Variants in SCAMP2 observed in about 807,000 individuals in gnomAD.
SCAMP2 encodes the protein secretory carrier-associated membrane protein 2.
SCAMP2 carries 25 observed loss-of-function variants against 44.1 expected under a neutral mutation model. That is an observed-to-expected ratio of 0.57 (90% CI 0.41 to 0.79). The LOEUF (loss-of-function observed/expected upper bound fraction) is 0.79. Ranked by LOEUF, SCAMP2 falls within the 30% of genes least tolerant of loss-of-function variation. The pLI, the probability that SCAMP2 is intolerant of heterozygous loss-of-function variation, is 0.00. For missense variants in SCAMP2, 355 were observed against 411.0 expected (o/e 0.86, Z 1.18); for synonymous variants, 156 against 166.0 (o/e 0.94, Z 0.46).
chr15:74,852,952 G>A (rs1180744036), intron 3 of SCAMP2: 1 of 156,148 alleles, frequency 6.4e-6, no homozygotes, highest in Non-Finnish European at 1.4e-5. Context: ...ATTTGGGCCA[G>A]GTTCCTCCTG....
intron 1 of SCAMP2, among the ~76,000 whole-genome samples, chr15:74,871,769 G>A (rs2064577204): frequency 6.7e-6 from 1 of 148,310 alleles, no homozygotes; most frequent in Admixed American, 6.8e-5. Flanking sequence ...AAGAGGCCAG[G>A]TGTGGTGGCT....
chr15:74,857,702 C>T (rs1241957735), intron 1 of SCAMP2, among the ~76,000 whole-genome samples: 2 of 152,194 alleles, frequency 1.3e-5, no homozygotes, highest in African/African-American at 2.4e-5. Context: ...CTGCCCTGTC[C>T]ACTCTGATCC....
intron 1 of SCAMP2, among the ~76,000 whole-genome samples, chr15:74,859,859 G>A (rs2064491458): frequency 6.6e-6 from 1 of 152,110 alleles, no homozygotes; most frequent in East Asian, 1.9e-4. Context: ...TGAGCTCTCT[G>A]TGACTTTTCC....
rs1273901962 is a variant in SCAMP2 at position 74,862,279 on chromosome 15, AAAAAAAAAAAT to A, written c.58-7641_58-7631del. 3.1e-4 allele frequency among the ~76,000 whole-genome samples: 41 copies of A among 131,148 alleles called. 7 individuals carry two copies. The highest frequency in any genetic ancestry group is 8.1e-4 in the African/African-American group (23 of 28,540). 86.0% of individuals were successfully genotyped at this position (131,148 alleles called of 152,430 possible). ...CTCTGTCTCCAAAAAAAAAAAAAAA[AAAAAAAAAAAT>A]TCCTGGCCAGGTGCAATGGCTCACA... On this transcript the variant is annotated intron_variant, in intron 1 of 8. Transcript: ENST00000268099.
At chr15:74,856,905 T>C (rs142145110) in intron 1 of SCAMP2, among the ~76,000 whole-genome samples, 214 of 152,272 alleles carry the variant, frequency 1.4e-3, no homozygotes, top group African/African-American at 4.8e-3. Flanking sequence ...CCAGATCCAA[T>C]TGTTAAATAC....
At chr15:74,852,461 A>C in intron 3 of SCAMP2, 1 of 323,212 alleles carries the variant, frequency 3.1e-6, no homozygotes, top group Non-Finnish European at 5.6e-6. Flanking sequence ...AACTACCCCC[A>C]TTGGCTTCTC....
At chr15:74,848,998 G>T (rs576974574) in intron 6 of SCAMP2, among the ~76,000 whole-genome samples, 3 of 152,212 alleles carry the variant, frequency 2.0e-5, no homozygotes, top group Non-Finnish European at 2.9e-5. Context: ...CTCCTGCAGT[G>T]AGCCAAGATC....
chr15:74,847,866 G>A (rs114761313), intron 7 of SCAMP2, among the ~76,000 whole-genome samples: 7,482 of 152,192 alleles, frequency 0.049, 606 homozygotes, highest in African/African-American at 0.17. Flanking sequence ...TGAGGGAACC[G>A]TCTCCTTAAG....
chr15:74,850,235 A>C (rs1039548903), intron 6 of SCAMP2, among the ~76,000 whole-genome samples: 6 of 152,202 alleles, frequency 3.9e-5, no homozygotes, highest in Admixed American at 6.5e-5. Flanking sequence ...TAACGGCATC[A>C]GCCAGACTGG....
At chr15:74,869,455 G>C (rs1228242430) in intron 1 of SCAMP2, among the ~76,000 whole-genome samples, 1 of 152,162 alleles carries the variant, frequency 6.6e-6, no homozygotes, top group Non-Finnish European at 1.5e-5. Flanking sequence ...CTCAAGAATG[G>C]TGACAACTGT....
At chr15:74,856,794 C>T (rs927226468) in intron 1 of SCAMP2, among the ~76,000 whole-genome samples, 3 of 152,194 alleles carry the variant, frequency 2.0e-5, no homozygotes, top group African/African-American at 7.2e-5. Context: ...TGGGGTCTTG[C>T]TTTGTTGCCC....
intron 7 of SCAMP2, among the ~76,000 whole-genome samples, chr15:74,847,559 G>A (rs532268596): frequency 6.6e-6 from 1 of 152,332 alleles, no homozygotes; most frequent in Admixed American, 6.5e-5. Flanking sequence ...TGGGAGGGCA[G>A]CGTGCACTTG....
At chr15:74,871,115 A>C (rs2064572130) in intron 1 of SCAMP2, among the ~76,000 whole-genome samples, 1 of 152,172 alleles carries the variant, frequency 6.6e-6, no homozygotes, top group South Asian at 2.1e-4. Flanking sequence ...TCATGGTGGA[A>C]AAAGATCATC....
At chr15:74,859,648 G>C (rs1265539047) in intron 1 of SCAMP2, among the ~76,000 whole-genome samples, 2 of 139,090 alleles carry the variant, frequency 1.4e-5, no homozygotes, top group African/African-American at 2.6e-5. Context: ...ATGGAGTCTC[G>C]CTCTGTTGCC....
intron 6 of SCAMP2, 108 bp downstream of exon 6, chr15:74,850,406 A>G (rs1352379961): frequency 3.4e-5 from 35 of 1,044,166 alleles, no homozygotes; most frequent in Non-Finnish European, 4.9e-5. Context: ...ATTTCCCTAC[A>G]TTCTATTCTG....
At chr15:74,863,929 G>A (rs1018483409) in intron 1 of SCAMP2, among the ~76,000 whole-genome samples, 6 of 152,184 alleles carry the variant, frequency 3.9e-5, no homozygotes, top group Admixed American at 3.3e-4. Flanking sequence ...CTGTCTGGGA[G>A]AGTCAGGGAA....
intron 1 of SCAMP2, among the ~76,000 whole-genome samples, chr15:74,858,124 C>T (rs141539373): frequency 6.6e-6 from 1 of 152,146 alleles, no homozygotes; most frequent in Non-Finnish European, 1.5e-5. Context: ...CAAGCTGAGC[C>T]CTGGCAAGAA....
chr15:74,851,266 A>T, intron 5 of SCAMP2, 87 bp downstream of exon 5: 1 of 1,471,062 alleles, frequency 6.8e-7, no homozygotes, highest in Non-Finnish European at 9.4e-7. Flanking sequence ...AAGCCTGTAT[A>T]CCAGGGAGGA....
At chr15:74,864,481 G>A (rs532672900) in intron 1 of SCAMP2, among the ~76,000 whole-genome samples, 3 of 152,334 alleles carry the variant, frequency 2.0e-5, no homozygotes, top group African/African-American at 7.2e-5. Flanking sequence ...GGTGGGGCCA[G>A]ATTGTGGGAC....
Sources: gnomAD v4.1 joint callset for allele counts (sites outside exome capture counted in the v4.1 genomes callset) on GRCh38, gnomAD v4.1.1 for gene constraint, MANE v1.5 for transcripts, NCBI Gene and HGNC (gene_info 2026-07-23, HGNC 2026-07-21) for gene names.